ZBBX: variants seen among roughly 807,000 people sequenced by gnomAD.
ZBBX encodes zinc finger B-box domain containing, also known as zinc finger B-box domain-containing protein 1.
Under a neutral mutation model 108.5 loss-of-function variants are expected in ZBBX, and 101 were observed. The ratio of observed to expected loss-of-function variants is 0.93; its 90% CI spans 0.79 to 1.10. ZBBX has a LOEUF of 1.10. Among genes scored for constraint, ZBBX ranks in the 50% least tolerant of loss-of-function variants. The pLI, the probability that ZBBX is intolerant of heterozygous loss-of-function variation, is 0.00. For missense variants in ZBBX, 1,009 were observed against 941.4 expected, an observed-to-expected ratio of 1.07 and a Z score of -0.94; for synonymous variants, 356 against 323.4, an observed-to-expected ratio of 1.10 and a Z score of -1.08.
chr3:167,228,667 T>C, the ZBBX span, among the ~76,000 whole-genome samples: 1 of 151,788 alleles, frequency 6.6e-6, no homozygotes. Flanking sequence ...CATAAAGTAT[T>C]TATCTGTGTT....
intron 18 of ZBBX, among the ~76,000 whole-genome samples, chr3:167,291,668 T>C (rs1028070098): frequency 1.3e-5 from 2 of 152,108 alleles, no homozygotes; most frequent in East Asian, 1.9e-4. Context: ...AATAAACAGC[T>C]AGCATCATAA....
intron 20 of ZBBX, among the ~76,000 whole-genome samples, chr3:167,262,490 T>TCA (rs1437600214): frequency 1.3e-5 from 2 of 152,316 alleles, no homozygotes; most frequent in South Asian, 2.1e-4. Flanking sequence ...AACCATCAGG[T>TCA]TCTGGGCTTC....
At chr3:167,178,495 G>A in the ZBBX span, among the ~76,000 whole-genome samples, 5 of 152,128 alleles carry the variant, frequency 3.3e-5, no homozygotes. Context: ...TGTTCGACGG[G>A]TGTTGCTCGT....
chr3:167,263,032 G>GTTTTTTTTTTTTTTT (rs1192290285), intron 20 of ZBBX, among the ~76,000 whole-genome samples: 1 of 111,034 alleles, frequency 9.0e-6, no homozygotes, highest in African/African-American at 3.3e-5. Flanking sequence ...TGCTTTTCTA[G>GTTTTTTTTTTTTTTT]TTCTTTTTTT....
chr3:167,221,537 A>C, the ZBBX span, among the ~76,000 whole-genome samples: 4 of 151,952 alleles, frequency 2.6e-5, no homozygotes. Flanking sequence ...ATAAAGACTT[A>C]AATCTAAGAC....
chr3:167,235,135 A>G (rs535673013), downstream of ZBBX, among the ~76,000 whole-genome samples: 2 of 151,890 alleles, frequency 1.3e-5, no homozygotes, highest in South Asian at 4.1e-4. Context: ...GGAATACACA[A>G]TTAAAACAAA....
intron 20 of ZBBX, among the ~76,000 whole-genome samples, chr3:167,264,243 A>C (rs1026044009): frequency 4.6e-5 from 7 of 151,936 alleles, no homozygotes; most frequent in Non-Finnish European, 7.4e-5. Flanking sequence ...CTGCCATTTC[A>C]TTATTTGTTT....
At position 167,355,615 on chromosome 3, in the gene ZBBX, A is replaced by G. The variant is rs1459180670; in HGVS notation, c.432+4255T>C. 2.6e-5 allele frequency among the ~76,000 whole-genome samples: 4 copies of G among 151,968 alleles called. No homozygotes were observed. In the East Asian group the frequency reaches 7.7e-4, roughly 29 times the overall value. On this transcript the variant is annotated intron_variant, in intron 8 of 21. Coordinates refer to ENST00000675490, the MANE Select transcript of ZBBX (RefSeq NM_001199201.2). ...ATACACATATGTGGCTTTCAAATATATATATTCACTCATTATCCAGTCAGC... is the reference window on the plus strand; with the variant it reads ...ATACACATATGTGGCTTTCAAATATGTATATTCACTCATTATCCAGTCAGC...
chr3:167,179,083 C>CA, the ZBBX span, among the ~76,000 whole-genome samples: 1 of 152,036 alleles, frequency 6.6e-6, no homozygotes, highest in East Asian at 1.9e-4. Context: ...AGAAACACTG[C>CA]AAAAGGTGAC....
the ZBBX span, among the ~76,000 whole-genome samples, chr3:167,221,125 G>A: frequency 1.3e-5 from 2 of 151,978 alleles, no homozygotes; most frequent in East Asian, 3.9e-4. Context: ...TTGTTACTAT[G>A]TTCATACTAT....
At chr3:167,283,946 A>G (rs1316720506) in intron 19 of ZBBX, among the ~76,000 whole-genome samples, 3 of 152,098 alleles carry the variant, frequency 2.0e-5, no homozygotes, top group African/African-American at 7.2e-5. Flanking sequence ...TCTACTTCGA[A>G]TGTGTCTAAT....
chr3:167,374,577 T>C (rs932301651), intron 2 of ZBBX, among the ~76,000 whole-genome samples: 5 of 152,172 alleles, frequency 3.3e-5, no homozygotes, highest in Non-Finnish European at 5.9e-5. Flanking sequence ...TGTGTGCTCA[T>C]AACCACAATA....
At chr3:167,194,953 T>G in the ZBBX span, among the ~76,000 whole-genome samples, 1 of 152,144 alleles carries the variant, frequency 6.6e-6, no homozygotes, top group African/African-American at 2.4e-5. Context: ...CCAGAAGCAC[T>G]GAGTGCTCCT....
chr3:167,265,205 C>T (rs1725254483), intron 20 of ZBBX, among the ~76,000 whole-genome samples: 1 of 152,160 alleles, frequency 6.6e-6, no homozygotes, highest in African/African-American at 2.4e-5. Context: ...CCCCTGAAGC[C>T]AGCACATCTT....
At chr3:167,390,969 C>T (rs148318945) in intron 1 of ZBBX, among the ~76,000 whole-genome samples, 5 of 151,856 alleles carry the variant, frequency 3.3e-5, no homozygotes, top group Middle Eastern at 3.2e-3. Context: ...TATTTGAATA[C>T]GTTTATTTCT....
chr3:167,381,935 T>A (rs999224344), upstream of ZBBX, among the ~76,000 whole-genome samples: 1 of 152,134 alleles, frequency 6.6e-6, no homozygotes, highest in Non-Finnish European at 1.5e-5. Context: ...AGTATCTGAA[T>A]GCAAGGAAAG....
At chr3:167,402,797 A>T (rs1748467190) in intron 1 of ZBBX, among the ~76,000 whole-genome samples, 1 of 148,938 alleles carries the variant, frequency 6.7e-6, no homozygotes, top group Non-Finnish European at 1.5e-5. Context: ...AAAAAAAAAA[A>T]TAGATGAACT....
At chr3:167,345,280 A>C (rs1741237725) in intron 9 of ZBBX, among the ~76,000 whole-genome samples, 1 of 151,916 alleles carries the variant, frequency 6.6e-6, no homozygotes, top group African/African-American at 2.4e-5. Context: ...ATCAGAAGAT[A>C]TGATAGTCGA....
At chr3:167,348,334 A>AAG (rs1271877191) in intron 9 of ZBBX, among the ~76,000 whole-genome samples, 1 of 107,768 alleles carries the variant, frequency 9.3e-6, no homozygotes, top group African/African-American at 3.8e-5. Flanking sequence ...GAAAGAAAGA[A>AAG]AGAAAGAAAG....
Sources: allele counts gnomAD v4.1 joint callset (sites outside exome capture counted in the v4.1 genomes callset), GRCh38; gene constraint gnomAD v4.1.1; transcripts MANE v1.5; gene names NCBI Gene and HGNC (gene_info 2026-07-23, HGNC 2026-07-21).